The following PCDHGA2 variants were observed in gnomAD, a reference collection of about 807,000 sequenced individuals.
The protein encoded by PCDHGA2 is protocadherin gamma-A2.
A neutral mutation model predicts 59.2 loss-of-function variants in PCDHGA2; 40 were observed. The observed-to-expected ratio is 0.68, with a 90% CI of 0.52 to 0.88. The LOEUF is 0.88. PCDHGA2 is among the 40% of genes least tolerant of loss of function. The probability of loss-of-function intolerance (pLI) is 0.00; values close to 1 mark genes in which losing one functional copy is unlikely to be tolerated. For synonymous variants in PCDHGA2, 560 were observed against 526.0 expected, an observed-to-expected ratio of 1.06 and a Z score of -0.89; for missense variants, 1,226 against 1,204.0, an observed-to-expected ratio of 1.02 and a Z score of -0.27.
rs1289898516 is a variant in PCDHGA2 at position 141,487,019 on chromosome 5, C to G, written c.2425-7788C>G. ...CTATCAGCTCCTGGAGGCCCCAGAT[C>G]CCAGCCTGTTTGCAGTCTCTCGATA... On this transcript the variant is annotated intron_variant, in intron 1 of 3. Transcript: ENST00000394576. The surrounding 1 kb of genome is among the most constrained non-coding windows in gnomAD (Gnocchi z 5.0). 1 of 1,614,204 alleles carries G rather than the reference C, an allele frequency of 6.2e-7. No homozygotes were observed. The highest frequency in any genetic ancestry group is 8.5e-7 in the Non-Finnish European group (1 of 1,180,042).
intron 1 of PCDHGA2, chr5:141,422,008 C>T (rs767148055): frequency 1.2e-5 from 20 of 1,609,502 alleles, no homozygotes; most frequent in Admixed American, 5.1e-5. Context: ...CTCCGGAACT[C>T]GGGTGCTGAT....
chr5:141,341,439 A>G, intron 1 of PCDHGA2, 44 bp downstream of exon 1: 2 of 1,610,826 alleles, frequency 1.2e-6, no homozygotes, highest in Non-Finnish European at 1.7e-6. Flanking sequence ...AGTTTGCTGA[A>G]GTAATTCACT....
At chr5:141,405,708 C>T (rs1328051668) in intron 1 of PCDHGA2, among the ~76,000 whole-genome samples, 2 of 152,164 alleles carry the variant, frequency 1.3e-5, no homozygotes, top group African/African-American at 4.8e-5. Context: ...GAATTCCTAA[C>T]CTCAAGTGAT....
At chr5:141,414,633 A>C (rs1368963927) in intron 1 of PCDHGA2, 1 of 1,613,988 alleles carries the variant, frequency 6.2e-7, no homozygotes, top group South Asian at 1.1e-5. Context: ...CGGACAGCAA[A>C]GAGAATGCCC....
rs769760594 is a variant in PCDHGA2, at chr5:141,389,212, TA to T, written c.2424+47820del. ...AGCATCACCCTGCACATTGGTGATG[TA>T]AATGACAACGCTCCGGTTTTCTCAC... On this transcript the variant is annotated intron_variant, in intron 1 of 3. Coordinates refer to ENST00000394576, the MANE Select transcript of PCDHGA2 (RefSeq NM_018915.4). 96 of 1,614,016 alleles carry T rather than the reference TA, an allele frequency of 5.9e-5. No homozygotes were observed. The East Asian group carries it at 2.0e-3, about 33-fold the overall frequency.
At position 141,393,000 on chromosome 5, in the gene PCDHGA2, G is replaced by A. The variant is rs772046833; in HGVS notation, c.2424+51605G>A. The stretch of plus-strand genomic sequence containing the variant: ...GGACCCCCGGAAGCTGGCGAAGCAC[G>A]GAGTCCGTATCGTCTCCAGAGGTAG... On this transcript the variant is annotated intron_variant, in intron 1 of 3. Transcript: ENST00000394576. The A allele has an allele frequency of 2.5e-6, 4 of 1,613,856 alleles. No individual in the cohort carries two copies. In the South Asian group the frequency reaches 4.4e-5, roughly 18 times the overall value.
intron 1 of PCDHGA2, chr5:141,391,580 C>A (rs1392857666): frequency 3.3e-5 from 5 of 152,116 alleles, no homozygotes; most frequent in South Asian, 2.1e-4. Flanking sequence ...AATATATTCA[C>A]AGGAAAATAT....
At position 141,403,235 on chromosome 5, in the gene PCDHGA2, C is replaced by T. The variant is rs757212212; in HGVS notation, c.2424+61840C>T. The T allele has an allele frequency of 2.9e-5, 47 of 1,613,842 alleles. No individual in the cohort carries two copies. In the Admixed American group the frequency reaches 7.7e-4, roughly 26 times the overall value. ...CGCGGGTAGGATAGACCGGGAGGAGCTCTGTGCTCAGAGCCCGCGGTGTCT... is the reference window on the plus strand; with the variant it reads ...CGCGGGTAGGATAGACCGGGAGGAGTTCTGTGCTCAGAGCCCGCGGTGTCT... On this transcript the variant is annotated intron_variant, in intron 1 of 3. Transcript: ENST00000394576.
intron 1 of PCDHGA2, chr5:141,383,684 T>A: frequency 4.3e-6 from 7 of 1,614,014 alleles, no homozygotes; most frequent in Non-Finnish European, 5.9e-6. Context: ...ACAAGACTGC[T>A]CACGGTACAT....
chr5:141,370,383 G>A (rs1393783313), intron 1 of PCDHGA2: 1 of 1,533,714 alleles, frequency 6.5e-7, no homozygotes, highest in Non-Finnish European at 8.7e-7. Flanking sequence ...AGGCAAAGGC[G>A]CAGAGAGCGG....
chr5:141,357,569 C>G, intron 1 of PCDHGA2: 1 of 1,614,208 alleles, frequency 6.2e-7, no homozygotes, highest in Non-Finnish European at 8.5e-7. Context: ...AAAAGCGAGC[C>G]TCTTCTGATA....
At chr5:141,502,708 A>G (rs1172090234) in intron 2 of PCDHGA2, among the ~76,000 whole-genome samples, 1 of 152,204 alleles carries the variant, frequency 6.6e-6, no homozygotes, top group Non-Finnish European at 1.5e-5. Flanking sequence ...CTGTTTTTAC[A>G]TCAGTGATTA....
Position 141,490,563 on chromosome 5 carries a change from G to C in PCDHGA2, c.2425-4244G>C. On this transcript the variant is annotated intron_variant, in intron 1 of 3. Coordinates refer to ENST00000394576, the MANE Select transcript of PCDHGA2 (RefSeq NM_018915.4). This position sits in a 1 kb window ranked among gnomAD's most constrained non-coding sequence, Gnocchi z 5.4. ...CCCTACACAAACATCTCACCATCAG[G>C]CTCAACATTTCAGATGTCAATGACA... 1 of 1,614,022 alleles carries C rather than the reference G, an allele frequency of 6.2e-7. No individual in the cohort carries two copies. Among genetic ancestry groups the C allele is most frequent in the Non-Finnish European group, 8.5e-7 (1 of 1,180,008 alleles).
At chr5:141,503,679 G>A (rs562303239) in intron 2 of PCDHGA2, among the ~76,000 whole-genome samples, 1 of 152,054 alleles carries the variant, frequency 6.6e-6, no homozygotes, top group East Asian at 1.9e-4. Context: ...CCACTTTTGG[G>A]AAGGAGAATT....
intron 1 of PCDHGA2, chr5:141,371,743 C>G: frequency 6.2e-7 from 1 of 1,614,054 alleles, no homozygotes; most frequent in South Asian, 1.1e-5. Flanking sequence ...GACAACGTTC[C>G]CGTTTTCCAC....
chr5:141,497,960 C>T (rs946836523), intron 2 of PCDHGA2, among the ~76,000 whole-genome samples: 24 of 152,202 alleles, frequency 1.6e-4, no homozygotes, highest in African/African-American at 5.8e-4. Flanking sequence ...GTTGGCCAGG[C>T]AGTGTTCTCG....
At chr5:141,453,071 C>G (rs561248978) in intron 1 of PCDHGA2, among the ~76,000 whole-genome samples, 13 of 152,150 alleles carry the variant, frequency 8.5e-5, no homozygotes, top group South Asian at 2.1e-4. Flanking sequence ...TTTTGCCACA[C>G]TCTGGTTGAT....
At chr5:141,364,840 C>G in intron 1 of PCDHGA2, 2 of 1,614,010 alleles carry the variant, frequency 1.2e-6, no homozygotes, top group Non-Finnish European at 1.7e-6. Context: ...TCCGGAGTTA[C>G]CAGCTCAGCT....
chr5:141,414,472 A>G (rs1039987036), intron 1 of PCDHGA2: 1 of 1,613,914 alleles, frequency 6.2e-7, no homozygotes, highest in African/African-American at 1.3e-5. Flanking sequence ...AGATGGGGGA[A>G]GTCCTCCTCT....
Sources: allele counts gnomAD v4.1 joint callset (sites outside exome capture counted in the v4.1 genomes callset), GRCh38; gene constraint gnomAD v4.1.1; non-coding constraint Gnocchi (gnomAD v3.1); transcripts MANE v1.5; gene names NCBI Gene and HGNC (gene_info 2026-07-23, HGNC 2026-07-21).